LHFPL3: variants seen among roughly 807,000 people sequenced by gnomAD.
The protein encoded by LHFPL3 is LHFPL tetraspan subfamily member 3 protein.
A neutral mutation model predicts 19.3 loss-of-function variants in LHFPL3; 5 were observed. The ratio of observed to expected loss-of-function variants is 0.26; its 90% confidence interval spans 0.14 to 0.54. The LOEUF (loss-of-function observed/expected upper bound fraction) is 0.54. Among genes scored for constraint, LHFPL3 ranks in the 20% least tolerant of loss-of-function variants. The probability of loss-of-function intolerance (pLI) is 0.94; values close to 1 mark genes in which losing one functional copy is unlikely to be tolerated. For synonymous variants in LHFPL3, 133 were observed against 126.2 expected, an observed-to-expected ratio of 1.05 and a Z score of -0.36; for missense variants, 249 against 307.4, an observed-to-expected ratio of 0.81 and a Z score of 1.42.
Position 104,328,705 on chromosome 7 carries a change from T to G in LHFPL3, c.-75T>G. 7.5e-7 allele frequency: 1 copy of G among 1,331,878 alleles called. No homozygotes were observed. The highest frequency in any genetic ancestry group is 1.0e-6 in the Non-Finnish European group (1 of 968,118). The allele number at this position is 1,331,878 out of a possible 1,614,324, so 82.5% of individuals were successfully genotyped here. The stretch of plus-strand genomic sequence containing the variant: ...GTTGCAGCGCGCGAGGCTCCGTGAG[T>G]GTGTCTCCTGCGCGCTGAGAGGCGG... On this transcript the variant is annotated 5_prime_UTR_variant, in exon 1 of 3. Transcript: ENST00000424859. This position sits in a 1 kb window ranked among gnomAD's most constrained non-coding sequence, Gnocchi z 4.6.
intron 1 of LHFPL3, among the ~76,000 whole-genome samples, chr7:104,385,332 A>G (rs978916829): frequency 3.3e-5 from 5 of 152,204 alleles, no homozygotes; most frequent in African/African-American, 1.2e-4. Flanking sequence ...TTGGCAATAC[A>G]ATTATTATGG....
chr7:104,376,633 A>C (rs1362888207), intron 1 of LHFPL3, among the ~76,000 whole-genome samples: 1 of 152,182 alleles, frequency 6.6e-6, no homozygotes, highest in Admixed American at 6.5e-5. Flanking sequence ...TTTTCACTCT[A>C]TGAAAGCTTT....
chr7:104,424,350 A>G (rs1285090182), intron 1 of LHFPL3, among the ~76,000 whole-genome samples: 2 of 152,208 alleles, frequency 1.3e-5, no homozygotes, highest in Non-Finnish European at 1.5e-5. Flanking sequence ...GTACGAAGGT[A>G]CAGAAAGAAG....
chr7:104,841,881 G>A (rs939499824), intron 2 of LHFPL3, among the ~76,000 whole-genome samples: 4 of 151,994 alleles, frequency 2.6e-5, no homozygotes, highest in African/African-American at 4.8e-5. Flanking sequence ...AGGTCTCAGG[G>A]CAAATAAGTT....
chr7:104,501,567 G>C (rs555216979), intron 1 of LHFPL3, among the ~76,000 whole-genome samples: 15 of 152,262 alleles, frequency 9.9e-5, no homozygotes, highest in Admixed American at 9.8e-4. Flanking sequence ...ACATAATGGT[G>C]AGTCATACTG....
chr7:104,538,778 G>T (rs1184076793), intron 1 of LHFPL3, among the ~76,000 whole-genome samples: 2 of 152,228 alleles, frequency 1.3e-5, no homozygotes, highest in African/African-American at 4.8e-5. Flanking sequence ...TTCAGAACCT[G>T]TGAATATGTT....
At chr7:104,440,035 T>TGGGCCG (rs139318074) in intron 1 of LHFPL3, among the ~76,000 whole-genome samples, 2 of 84,962 alleles carry the variant, frequency 2.4e-5, no homozygotes. Context: ...ATACAAAGCC[T>TGGGCCG]GGGGGGGGGG....
chr7:104,364,247 TCA>T (rs2116415659), intron 1 of LHFPL3, among the ~76,000 whole-genome samples: 1 of 152,326 alleles, frequency 6.6e-6, no homozygotes, highest in Admixed American at 6.5e-5. Context: ...TTTGATGAAA[TCA>T]CAGTGTGGTG....
chr7:104,443,716 G>T (rs1792271191), intron 1 of LHFPL3, among the ~76,000 whole-genome samples: 1 of 152,332 alleles, frequency 6.6e-6, no homozygotes, highest in Non-Finnish European at 1.5e-5. Context: ...TTTCATATCA[G>T]GTTGCCCTGA....
At chr7:104,452,315 G>T (rs1792455729) in intron 1 of LHFPL3, among the ~76,000 whole-genome samples, 2 of 152,182 alleles carry the variant, frequency 1.3e-5, no homozygotes. Context: ...TATTTAACCA[G>T]TGCTTTATTG....
intron 1 of LHFPL3, among the ~76,000 whole-genome samples, chr7:104,529,200 C>A (rs11765439): frequency 0.025 from 3,787 of 152,290 alleles, 74 homozygotes; most frequent in Non-Finnish European, 0.038. Context: ...ATGTGATGCT[C>A]TGATTGGCCA....
intron 1 of LHFPL3, among the ~76,000 whole-genome samples, chr7:104,376,867 T>C (rs1790725797): frequency 6.6e-6 from 1 of 152,192 alleles, no homozygotes; most frequent in East Asian, 1.9e-4. Context: ...TAATGTAGCT[T>C]TTTTTCCTGG....
chr7:104,523,948 A>T (rs1794132233), intron 1 of LHFPL3, among the ~76,000 whole-genome samples: 1 of 152,222 alleles, frequency 6.6e-6, no homozygotes, highest in Non-Finnish European at 1.5e-5. Flanking sequence ...ATTATTTAAA[A>T]AATTCCTTCA....
intron 2 of LHFPL3, among the ~76,000 whole-genome samples, chr7:104,905,441 GT>G (rs1562831814): frequency 6.6e-6 from 1 of 152,094 alleles, no homozygotes. Context: ...CATGCTGATG[GT>G]GGGGCACAGT....
chr7:104,695,343 C>G (rs1792978783), intron 1 of LHFPL3, among the ~76,000 whole-genome samples: 1 of 152,142 alleles, frequency 6.6e-6, no homozygotes, highest in South Asian at 2.1e-4. Flanking sequence ...ATGAGCCACT[C>G]CTATTCAATT....
At chr7:104,584,986 T>C (rs1162184823) in intron 1 of LHFPL3, among the ~76,000 whole-genome samples, 2 of 152,224 alleles carry the variant, frequency 1.3e-5, no homozygotes, top group African/African-American at 4.8e-5. Context: ...TGAAGCCTCA[T>C]ACACATTCAT....
intron 1 of LHFPL3, among the ~76,000 whole-genome samples, chr7:104,420,768 T>C (rs1791716973): frequency 6.6e-6 from 1 of 152,084 alleles, no homozygotes; most frequent in Admixed American, 6.5e-5. Context: ...TTCACCGTGT[T>C]AGCCAGGATG....
At chr7:104,800,166 TA>T (rs1202934107) in intron 2 of LHFPL3, 12 of 152,274 alleles carry the variant, frequency 7.9e-5, no homozygotes, top group Non-Finnish European at 1.8e-4. Flanking sequence ...GCCTTCCCTT[TA>T]AAAAGCTACC....
chr7:104,728,025 A>G (rs1354427597), intron 1 of LHFPL3, among the ~76,000 whole-genome samples: 2 of 152,174 alleles, frequency 1.3e-5, no homozygotes, highest in Non-Finnish European at 2.9e-5. Flanking sequence ...CTATGCAGAA[A>G]GAGCACACAG....
Sources: gnomAD v4.1 joint callset for allele counts (sites outside exome capture counted in the v4.1 genomes callset) on GRCh38, gnomAD v4.1.1 for gene constraint, Gnocchi (gnomAD v3.1) non-coding constraint, MANE v1.5 for transcripts, NCBI Gene and HGNC (gene_info 2026-07-23, HGNC 2026-07-21) for gene names.